The following CDKN2A variants were observed in gnomAD, a reference collection of about 807,000 sequenced individuals.
CDKN2A encodes cyclin dependent kinase inhibitor 2A.
A neutral mutation model predicts 11.1 loss-of-function variants in CDKN2A; 3 were observed. That is an observed-to-expected ratio of 0.27 (90% CI 0.12 to 0.70). The LOEUF is 0.70. Among genes scored for constraint, CDKN2A ranks in the 30% least tolerant of loss-of-function variants. The pLI, the probability that CDKN2A is intolerant of heterozygous loss-of-function variation, is 0.77. For missense variants in CDKN2A, 265 were observed against 233.6 expected (o/e 1.13, Z -0.88); for synonymous variants, 122 against 108.1 (o/e 1.13, Z -0.80).
intron 2 of CDKN2A, 144 bp downstream of exon 2, chr9:21,970,758 G>A (rs1438005319): frequency 2.9e-6 from 3 of 1,017,196 alleles, no homozygotes; most frequent in African/African-American, 3.2e-5. Context: ...GCGATAGGGA[G>A]ACTCAGGCCG....
upstream of CDKN2A, among the ~76,000 whole-genome samples, chr9:21,975,899 CG>C (rs1414830085): frequency 6.6e-6 from 1 of 152,034 alleles, no homozygotes; most frequent in Non-Finnish European, 1.5e-5. Flanking sequence ...TTGCATTTTT[CG>C]TAATTATAAA....
At chr9:21,975,009 A>C, upstream of CDKN2A, 3 of 1,385,912 alleles carry the variant, frequency 2.2e-6, no homozygotes, top group South Asian at 3.4e-5. Flanking sequence ...TTTCCAGGCA[A>C]GGGGACGCCG....
rs551479808 is a variant in CDKN2A at position 21,974,451 on chromosome 9, C to T, written c.150+227G>A. 93 of 1,611,520 alleles carry T rather than the reference C, an allele frequency of 5.8e-5. No homozygotes were observed. The highest frequency in any genetic ancestry group is 7.8e-5 in the Non-Finnish European group (92 of 1,178,888). On this transcript the variant is annotated intron_variant, in intron 1 of 2. Coordinates refer to ENST00000304494, the MANE Select transcript of CDKN2A (RefSeq NM_000077.5). The surrounding 1 kb of genome is among the most constrained non-coding windows in gnomAD (Gnocchi z 5.2). ...CCCCCCTTCAGATCTTCTCAGCATT[C>T]GAGAGATCTGTACGCGCGTGGCTCC...
At position 21,994,187 on chromosome 9, in the gene CDKN2A, G is replaced by A. The variant is rs1554659187; in HGVS notation, c.-175-134C>T. ...TGCCCTAGACGCTGGCTCCTCAGTAGCATCAGCACGAGGGCCACAGCGGCG... is the reference window on the plus strand; with the variant it reads ...TGCCCTAGACGCTGGCTCCTCAGTAACATCAGCACGAGGGCCACAGCGGCG... On this transcript the variant is annotated intron_variant, in intron 1 of 3. Transcript: ENST00000494262. 4 of 1,605,852 alleles carry A rather than the reference G, an allele frequency of 2.5e-6. No individual in the cohort carries two copies. The highest frequency in any genetic ancestry group is 3.4e-6 in the Non-Finnish European group (4 of 1,179,896).
Position 21,970,938 on chromosome 9 carries a change from T to C in CDKN2A, c.421A>G (p.Asn141Asp), listed in dbSNP as rs1399873046. 1 of 1,612,360 alleles carries C rather than the reference T, an allele frequency of 6.2e-7. No homozygotes were observed. Among genetic ancestry groups the C allele is most frequent in the Non-Finnish European group, 8.5e-7 (1 of 1,180,020 alleles). ...RAAAGGTRGS[N>D]HARIDAAEGP... ...TCCGCGGCATCTATGCGGGCATGGT[T>C]ACTGCCTCTGGTGCCCCCCGCAGCC... The change falls in exon 2 of 3, where the codon AAC becomes GAC. Residue 141 changes from asparagine (N) to aspartate (D), a missense_variant. Asn to Asp is a conservative substitution (Grantham distance 23, BLOSUM62 1). Coordinates refer to ENST00000304494, the MANE Select transcript of CDKN2A (RefSeq NM_000077.5).
intron 2 of CDKN2A, among the ~76,000 whole-genome samples, chr9:21,990,648 G>GAGAGAGAGAGAA (rs1261600637): frequency 6.7e-6 from 1 of 149,372 alleles, no homozygotes; most frequent in African/African-American, 2.5e-5. Context: ...GAGAGAGAGA[G>GAGAGAGAGAGAA]AGAAACTGTT....
rs1227509441 is a variant in CDKN2A, at chr9:21,968,000, T to G, written c.*229A>C. The G allele has an allele frequency of 1.8e-6, 1 of 553,786 alleles. No homozygotes were observed. Among genetic ancestry groups the G allele is most frequent in the East Asian group, 2.9e-5 (1 of 34,740 alleles). 34.3% of individuals were successfully genotyped at this position (553,786 alleles called of 1,614,324 possible). On this transcript the variant is annotated 3_prime_UTR_variant, in exon 3 of 3. Transcript: ENST00000304494. ...GAAAAGGCAGAAGCGGTGTTTTTCT[T>G]TTTTACATTTTTATAAGAATATATA...
intron 2 of CDKN2A, 156 bp downstream of exon 2, chr9:21,970,746 G>A (rs926589183): frequency 9.9e-6 from 9 of 908,930 alleles, no homozygotes; most frequent in Admixed American, 2.1e-5. Context: ...TGGCGGGGCA[G>A]GGCGATAGGG....
intron 2 of CDKN2A, among the ~76,000 whole-genome samples, chr9:21,984,520 A>G (rs1820260908): frequency 6.6e-6 from 1 of 152,008 alleles, no homozygotes. Context: ...TCCCCTCTCA[A>G]ATATGCTGTC....
chr9:21,974,046 AC>A lies in CDKN2A; in HGVS notation c.150+631del, dbSNP rs902299411. On this transcript the variant is annotated intron_variant, in intron 1 of 2. Transcript: ENST00000304494. The surrounding 1 kb of genome is among the most constrained non-coding windows in gnomAD (Gnocchi z 5.2). Reference sequence around the variant, plus strand: ...GCTGGGATTACAGGCGCCTGCCACCACCCCCGGCTACTTTTTGTATTTTTAG... The same window carrying A: ...GCTGGGATTACAGGCGCCTGCCACCACCCCGGCTACTTTTTGTATTTTTAG... 5.3e-5 allele frequency among the ~76,000 whole-genome samples: 8 copies of A among 151,308 alleles called. No individual in the cohort carries two copies. The East Asian group carries it at 5.8e-4, about 11-fold the overall frequency.
upstream of CDKN2A, chr9:21,974,945 G>A (rs1001686281): frequency 3.5e-6 from 5 of 1,422,502 alleles, no homozygotes; most frequent in South Asian, 1.5e-5. The surrounding 1 kb of genome is among the most constrained non-coding windows in gnomAD (Gnocchi z 5.2). Context: ...CGGTGCTGGC[G>A]GAAGAGCCCC....
In CDKN2A at chr9:21,968,675, C is replaced by T. The variant is rs1181825406; in HGVS notation, c.458-433G>A. ...AGTGAGCCAGCCAGCTTGCGATAAC[C>T]AAAGGGCGCCTCAGGCTCTGGCGCT... On this transcript the variant is annotated intron_variant, in intron 2 of 2. Transcript: ENST00000304494. This position sits in a 1 kb window ranked among gnomAD's most constrained non-coding sequence, Gnocchi z 4.7. The T allele has an allele frequency of 2.0e-6, 3 of 1,535,746 alleles. No homozygotes were observed. The Admixed American group carries it at 5.9e-5, about 30-fold the overall frequency.
At position 21,980,954 on chromosome 9, in the gene CDKN2A, G is replaced by A. The variant is rs531944977; in HGVS notation, c.-3-9746C>T. 9.7e-4 allele frequency among the ~76,000 whole-genome samples: 50 copies of A among 51,802 alleles called. 5 individuals are homozygous for A. The highest frequency in any genetic ancestry group is 1.5e-3 in the African/African-American group (26 of 17,684). The allele number at this position is 51,802 out of a possible 152,430, so 34.0% of individuals were successfully genotyped here. ...AGCCTGGGCAACAGAGCGAGACTCC[G>A]TCTCAAAAAAAAAAAATGTATATAT... On this transcript the variant is annotated intron_variant, in intron 2 of 3. Coordinates refer to the CDKN2A transcript ENST00000494262.
At chr9:21,975,306 C>A (rs1242342171), upstream of CDKN2A, among the ~76,000 whole-genome samples, 1 of 152,166 alleles carries the variant, frequency 6.6e-6, no homozygotes, top group Admixed American at 6.5e-5. Context: ...CCTTCCTCCG[C>A]GATACAACCT....
intron 2 of CDKN2A, among the ~76,000 whole-genome samples, chr9:21,992,657 G>A (rs1481832287): frequency 1.3e-5 from 2 of 151,948 alleles, no homozygotes; most frequent in Admixed American, 6.5e-5. Flanking sequence ...ACATTGACAT[G>A]TTCTACTTTG....
chr9:21,976,414 C>A (rs1296430185), upstream of CDKN2A, among the ~76,000 whole-genome samples: 1 of 147,076 alleles, frequency 6.8e-6, no homozygotes, highest in Non-Finnish European at 1.5e-5. Context: ...ATAGAATTAT[C>A]ACTATTACAT....
Position 21,988,081 on chromosome 9 carries a change from G to A in CDKN2A, c.-4+5801C>T, listed in dbSNP as rs149837805. On this transcript the variant is annotated intron_variant, in intron 2 of 3. Coordinates refer to the CDKN2A transcript ENST00000494262. The surrounding 1 kb of genome is among the most constrained non-coding windows in gnomAD (Gnocchi z 4.1). ...AGAAAGCAGAGGCTTTTTTATTTAC[G>A]TTACCTTGATTGTACGATTTTATTA... is the stretch of plus-strand genomic sequence containing the variant. Among the ~76,000 whole-genome samples, 11 of 152,088 alleles carry A rather than the reference G, an allele frequency of 7.2e-5. No individual in the cohort carries two copies. Among genetic ancestry groups the A allele is most frequent in the South Asian group, 4.2e-4 (2 of 4,816 alleles).
rs1307786744 is a variant in CDKN2A, at chr9:21,988,273, A to T, written c.-4+5609T>A. Among the ~76,000 whole-genome samples the T allele has an allele frequency of 6.6e-6, 1 of 152,230 alleles. No homozygotes were observed. Among genetic ancestry groups the T allele is most frequent in the African/African-American group, 2.4e-5 (1 of 41,472 alleles). ...AACTGAGAAATAGTTGAATTAAAAA[A>T]TCCTTTGTGATAACATGTTTATATT... is the stretch of plus-strand genomic sequence containing the variant. On this transcript the variant is annotated intron_variant, in intron 2 of 3. Transcript: ENST00000494262. This position sits in a 1 kb window ranked among gnomAD's most constrained non-coding sequence, Gnocchi z 4.1.
intron 2 of CDKN2A, chr9:21,969,604 A>C: frequency 2.6e-6 from 1 of 391,620 alleles, no homozygotes; most frequent in East Asian, 3.6e-5. Context: ...AGAGTCGTTC[A>C]GTTTATTCAT....
Sources: gnomAD v4.1 joint callset for allele counts (sites outside exome capture counted in the v4.1 genomes callset) on GRCh38, gnomAD v4.1.1 for gene constraint, Gnocchi (gnomAD v3.1) non-coding constraint, MANE v1.5 for transcripts, NCBI Gene and HGNC (gene_info 2026-07-23, HGNC 2026-07-21) for gene names.